The following HERC2 variants were observed in gnomAD, a reference collection of about 807,000 sequenced individuals.
HERC2 encodes the protein E3 ubiquitin-protein ligase HERC2.
HERC2 carries 102 observed loss-of-function variants against 537.7 expected under a neutral mutation model. The observed-to-expected ratio is 0.19, with a 90% CI of 0.16 to 0.22. The LOEUF (loss-of-function observed/expected upper bound fraction) is 0.22, where lower values mean the gene tolerates loss of function less well. HERC2 is among the 10% of genes least tolerant of loss of function. The pLI, the probability that HERC2 is intolerant of heterozygous loss-of-function variation, is 1.00. For missense variants in HERC2, 4,236 were observed against 6,198.2 expected (o/e 0.68, Z 10.63); for synonymous variants, 2,224 against 2,466.2 (o/e 0.90, Z 2.91).
Position 28,177,268 on chromosome 15 carries a change from G to A in HERC2, c.9255-141C>T, listed in dbSNP as rs1341482490. The A allele has an allele frequency of 1.0e-5, 12 of 1,203,298 alleles. No individual in the cohort carries two copies. The highest frequency in any genetic ancestry group is 1.4e-5 in the Non-Finnish European group (12 of 852,090). 74.5% of individuals were successfully genotyped at this position (1,203,298 alleles called of 1,614,324 possible). A position where few individuals can be genotyped will look rare whatever the true frequency, so the allele number is the denominator to read the frequency against. On this transcript the variant is annotated intron_variant, in intron 60 of 92. Transcript: ENST00000261609. This position sits in a 1 kb window ranked among gnomAD's most constrained non-coding sequence, Gnocchi z 5.0. The stretch of plus-strand genomic sequence containing the variant: ...TCAAAACTTAAAGCAGAACCGGTGA[G>A]ACCAAAACACAAACAACCGTGTTAA...
intron 2 of HERC2, among the ~76,000 whole-genome samples, chr15:28,300,575 C>T (rs2076593183): frequency 6.6e-6 from 1 of 150,878 alleles, no homozygotes; most frequent in Non-Finnish European, 1.5e-5. Flanking sequence ...GTAATCCCAG[C>T]ATTTGGCAGG....
chr15:28,130,720 T>C, intron 81 of HERC2, 126 bp from the exon 82 acceptor site: 1 of 774,216 alleles, frequency 1.3e-6, no homozygotes, highest in Non-Finnish European at 2.3e-6. Flanking sequence ...GAATAATTAG[T>C]GCAACATAAA....
Position 28,169,654 on chromosome 15 carries a change from G to A in HERC2, c.10059C>T (p.Gly3353=), listed in dbSNP as rs147697168. The A allele has an allele frequency of 6.9e-5, 110 of 1,596,542 alleles. No individual in the cohort carries two copies. The highest frequency in any genetic ancestry group is 6.4e-5 in the Non-Finnish European group (75 of 1,173,836). Residue 3353 remains glycine (G), a splice_region_variant and synonymous_variant, in exon 66 of 93, where the codon GGC becomes GGT. Coordinates refer to ENST00000261609, the MANE Select transcript of HERC2 (RefSeq NM_004667.6). ...CAGAAGAATCAGCATCTGAAGGCAC[G>A]CCTATAAGAGGAAAATAAAATTTGC... ...ARDPLGASYL[G]VPSDADSSAA...
rs921226579 is a variant in HERC2 at position 28,229,073 on chromosome 15, C to G, written c.5272+122G>C. On this transcript the variant is annotated intron_variant, in intron 34 of 92. Coordinates refer to ENST00000261609, the MANE Select transcript of HERC2 (RefSeq NM_004667.6). The stretch of plus-strand genomic sequence containing the variant: ...AAAGCTGACAGCAGCATAGATTATA[C>G]AAGTACAAAGTACAAACTTTAATTA... The G allele has an allele frequency of 4.3e-6, 4 of 935,446 alleles. No individual in the cohort carries two copies. The African/African-American group carries it at 6.5e-5, about 15-fold the overall frequency. The allele number at this position is 935,446 out of a possible 1,614,324, so 57.9% of individuals were successfully genotyped here. A position where few individuals can be genotyped will look rare whatever the true frequency, so the allele number is the denominator to read the frequency against.
At chr15:28,156,593 A>T (rs575406724) in intron 69 of HERC2, among the ~76,000 whole-genome samples, 55 of 152,272 alleles carry the variant, frequency 3.6e-4, no homozygotes, top group Admixed American at 1.2e-3. Context: ...ATTTTTGCAC[A>T]TTGATTTTGT....
Position 28,254,517 on chromosome 15 carries a change from T to C in HERC2, c.2873A>G (p.Asp958Gly). 1 of 1,579,718 alleles carries C rather than the reference T, an allele frequency of 6.3e-7. No homozygotes were observed. The highest frequency in any genetic ancestry group is 8.6e-7 in the Non-Finnish European group (1 of 1,166,748). Residue 958 changes from aspartate to glycine, a missense_variant and splice_region_variant, in exon 20 of 93, where the codon GAT becomes GGT. Transcript: ENST00000261609. ...CTGTGCTTCTTTTTTGGCTTCAATA[T>C]CCTGTAATTCATAAAAAGAAATTGT... ...LHAAITAEIQ[D>G]IEAKKEAQKE...
chr15:28,178,860 A>C, intron 59 of HERC2, 27 bp downstream of exon 59: 1 of 1,606,308 alleles, frequency 6.2e-7, no homozygotes, highest in African/African-American at 1.3e-5. Context: ...GCCGCCCCGC[A>C]CAGGCCTCCT....
rs1899691925 is a variant in HERC2, at chr15:28,214,700, C to T, written c.6313G>A (p.Gly2105Arg). 6.2e-7 allele frequency: 1 copy of T among 1,611,926 alleles called. No homozygotes were observed. The highest frequency in any genetic ancestry group is 1.3e-5 in the African/African-American group (1 of 74,864). ...CLVEKLFDFL[G>R]SLLTTCSSDV... ...GAGGAGCAGGTAGTGAGCAAGCTTC[C>T]CAAGAAGTCAAACAGCTTCTCCACG... The change falls in exon 40 of 93, where the codon GGA becomes AGA. Residue 2105 changes from glycine (G) to arginine (R), a missense_variant. Physicochemically the swap from Gly to Arg is moderately radical, Grantham distance 125. This residue lies in a region of HERC2 where 365 missense variants were observed against 468.8 expected (regional missense o/e 0.78). Transcript: ENST00000261609.
rs1899557346 is a variant in HERC2 at position 28,213,892 on chromosome 15, G to C, written c.6636C>G (p.Gly2212=). 1.2e-6 allele frequency: 2 copies of C among 1,614,060 alleles called. No individual in the cohort carries two copies. The highest frequency in any genetic ancestry group is 2.2e-5 in the South Asian group (2 of 91,068). Residue 2212 remains glycine (G), a synonymous_variant, in exon 42 of 93, where the codon GGC becomes GGG. Coordinates refer to ENST00000261609, the MANE Select transcript of HERC2 (RefSeq NM_004667.6). Reference sequence around the variant, plus strand: ...CGCCCAGGCGCAGGCGACCATCGATGCCTCCAATCACAGCCAGGACTGCCA... The same window carrying C: ...CGCCCAGGCGCAGGCGACCATCGATCCCTCCAATCACAGCCAGGACTGCCA... ...GLMAVLAVIG[G]IDGRLRLGGQ... is the part of the protein sequence containing the mutation.
chr15:28,142,562 C>T (rs1280283503), intron 75 of HERC2, 169 bp from the exon 76 acceptor site: 2 of 725,990 alleles, frequency 2.8e-6, no homozygotes, highest in Non-Finnish European at 4.6e-6. Flanking sequence ...TTCCTAGCCA[C>T]GTGCCACACA....
rs1015190558 is a variant in HERC2 at position 28,176,177 on chromosome 15, T to C, written c.9686+251A>G. Among the ~76,000 whole-genome samples, 2 of 152,242 alleles carry C rather than the reference T, an allele frequency of 1.3e-5. No individual in the cohort carries two copies. Among genetic ancestry groups the C allele is most frequent in the Admixed American group, 1.3e-4 (2 of 15,282 alleles). On this transcript the variant is annotated intron_variant, in intron 63 of 92. Coordinates refer to ENST00000261609, the MANE Select transcript of HERC2 (RefSeq NM_004667.6). This position sits in a 1 kb window ranked among gnomAD's most constrained non-coding sequence, Gnocchi z 5.0. Reference sequence around the variant, plus strand: ...GCAGAAGAAACCGTTCCCATAAATCTCACCCAAACAGGAAAGGTAAGTGGC... The same window carrying C: ...GCAGAAGAAACCGTTCCCATAAATCCCACCCAAACAGGAAAGGTAAGTGGC...
intron 2 of HERC2, among the ~76,000 whole-genome samples, chr15:28,300,228 T>C (rs1340370177): frequency 6.6e-6 from 1 of 151,394 alleles, no homozygotes; most frequent in Non-Finnish European, 1.5e-5. Context: ...ATTGTGAGTA[T>C]ACTTTAGATG....
chr15:28,198,765 C>G lies in HERC2; in HGVS notation c.7721G>C (p.Gly2574Ala), dbSNP rs137946111. ...AVYVRENIQV[G>A]MMVRCCRAYE... Reference sequence around the variant, plus strand: ...CGCTCGGCAGCATCTAACCATCATTCCCACCTAGAATTAAAATGAAATTGG... The same window carrying G: ...CGCTCGGCAGCATCTAACCATCATTGCCACCTAGAATTAAAATGAAATTGG... The change falls in exon 49 of 93, where the codon GGA becomes GCA. Residue 2574 changes from glycine (G) to alanine (A), a missense_variant. Around this residue, in one of 27 missense-constraint regions of HERC2, gnomAD observed 606 missense variants for 884.5 expected, o/e 0.69. Transcript: ENST00000261609. 1.5e-5 allele frequency: 24 copies of G among 1,609,250 alleles called. No individual in the cohort carries two copies. The African/African-American group carries it at 2.8e-4, about 19-fold the overall frequency.
chr15:28,169,891 C>T (rs550694932), intron 65 of HERC2, among the ~76,000 whole-genome samples: 2 of 152,276 alleles, frequency 1.3e-5, no homozygotes, highest in East Asian at 3.9e-4. Flanking sequence ...GATGTAGGTG[C>T]TTTTATAAAA....
intron 16 of HERC2, among the ~76,000 whole-genome samples, chr15:28,260,292 A>G (rs1241680020): frequency 6.6e-6 from 1 of 152,380 alleles, no homozygotes; most frequent in East Asian, 1.9e-4. Flanking sequence ...GAAGATTAAA[A>G]GCATTTAACA....
At chr15:28,135,850 A>G (rs1335981070) in intron 78 of HERC2, among the ~76,000 whole-genome samples, 158 bp from the exon 79 acceptor site, 1 of 152,242 alleles carries the variant, frequency 6.6e-6, no homozygotes, top group Non-Finnish European at 1.5e-5. Flanking sequence ...GCCTTTATAC[A>G]TGCTCTATCA....
chr15:28,162,166 C>G (rs527515162), intron 69 of HERC2, among the ~76,000 whole-genome samples: 5 of 152,228 alleles, frequency 3.3e-5, no homozygotes, highest in Admixed American at 3.3e-4. Flanking sequence ...CCCATCTCAA[C>G]TAAAAATACA....
At chr15:28,271,088 T>G (rs924161865) in intron 9 of HERC2, among the ~76,000 whole-genome samples, 5 of 152,206 alleles carry the variant, frequency 3.3e-5, no homozygotes, top group Non-Finnish European at 5.9e-5. Flanking sequence ...CAACATTGAC[T>G]GCGCATGTAT....
rs754519373 is a variant in HERC2 at position 28,229,668 on chromosome 15, T to C, written c.4983+6A>G. On this transcript the variant is annotated splice_donor_region_variant and intron_variant, in intron 32 of 92. Transcript: ENST00000261609. ...ATGCAGAGAAGCATTTCTCATCAAA[T>C]GTTACCTGTTTTAGTAGGCACTTTC... is the stretch of plus-strand genomic sequence containing the variant. 1.2e-6 allele frequency: 2 copies of C among 1,611,550 alleles called. No individual in the cohort carries two copies. The highest frequency in any genetic ancestry group is 2.2e-5 in the South Asian group (2 of 90,988).
Sources: gnomAD v4.1 joint callset for allele counts (sites outside exome capture counted in the v4.1 genomes callset) on GRCh38, gnomAD v4.1.1 for gene constraint, gnomAD v4.1.1 regional missense constraint, Gnocchi (gnomAD v3.1) non-coding constraint, MANE v1.5 for transcripts, NCBI Gene and HGNC (gene_info 2026-07-23, HGNC 2026-07-21) for gene names.